ZDHHC17: variants seen among roughly 807,000 people sequenced by gnomAD.
The protein encoded by ZDHHC17 is zDHHC palmitoyltransferase 17, also known as palmitoyltransferase ZDHHC17.
In ZDHHC17, 40 loss-of-function variants were observed where a neutral mutation model predicts 90.3. That is an observed-to-expected ratio of 0.44 (90% CI 0.34 to 0.58). The LOEUF (loss-of-function observed/expected upper bound fraction) is 0.58. ZDHHC17 is among the 20% of genes least tolerant of loss of function. ZDHHC17 has a pLI of 0.01. For missense variants in ZDHHC17, 614 were observed against 780.8 expected (o/e 0.79, Z 2.55); for synonymous variants, 235 against 252.4 (o/e 0.93, Z 0.65).
At chr12:76,832,606 A>G (rs528602437) in intron 10 of ZDHHC17, among the ~76,000 whole-genome samples, 1 of 152,312 alleles carries the variant, frequency 6.6e-6, no homozygotes, top group Non-Finnish European at 1.5e-5. Context: ...TTGTTGATTC[A>G]TTAATATTGA....
At chr12:76,802,221 G>A (rs536740669) in intron 2 of ZDHHC17, among the ~76,000 whole-genome samples, 1 of 152,222 alleles carries the variant, frequency 6.6e-6, no homozygotes, top group Non-Finnish European at 1.5e-5. Context: ...GCTGAATATA[G>A]GATTTTTGGT....
chr12:76,796,534 T>C (rs2137744611), intron 1 of ZDHHC17, among the ~76,000 whole-genome samples: 1 of 152,228 alleles, frequency 6.6e-6, no homozygotes, highest in East Asian at 1.9e-4. Flanking sequence ...TGGATTTTTA[T>C]ATAAAATCTT....
At chr12:76,842,877 A>C in intron 11 of ZDHHC17, 42 bp from the exon 12 acceptor site, 5 of 1,463,698 alleles carry the variant, frequency 3.4e-6, no homozygotes, top group Non-Finnish European at 4.7e-6. Flanking sequence ...GTTGGTGAGC[A>C]TTGTTCAGTT....
At chr12:76,771,743 A>G (rs1033631771) in intron 1 of ZDHHC17, among the ~76,000 whole-genome samples, 4 of 151,572 alleles carry the variant, frequency 2.6e-5, no homozygotes, top group Non-Finnish European at 4.4e-5. Context: ...CCCTATTCTC[A>G]TGAAAAAAAA....
chr12:76,807,550 G>A (rs1952969106), intron 3 of ZDHHC17, among the ~76,000 whole-genome samples: 1 of 152,126 alleles, frequency 6.6e-6, no homozygotes, highest in Admixed American at 6.6e-5. Flanking sequence ...AGGTCTTATA[G>A]CTACACGAAA....
chr12:76,812,569 CTTAATG>C (rs1323287547), intron 5 of ZDHHC17, among the ~76,000 whole-genome samples: 8 of 151,762 alleles, frequency 5.3e-5, no homozygotes, highest in Admixed American at 5.3e-4. Flanking sequence ...TATTGTTTTT[CTTAATG>C]TTAACTATGT....
intron 1 of ZDHHC17, among the ~76,000 whole-genome samples, chr12:76,772,136 A>G (rs1324365172): frequency 6.6e-6 from 1 of 152,246 alleles, no homozygotes; most frequent in Non-Finnish European, 1.5e-5. Context: ...TTTACAAATG[A>G]GGAAACAGAG....
Position 76,815,904 on chromosome 12 carries a change from T to C in ZDHHC17, c.656T>C (p.Leu219Pro). The C allele has an allele frequency of 6.3e-7, 1 of 1,579,162 alleles. No homozygotes were observed. Among genetic ancestry groups the C allele is most frequent in the Non-Finnish European group, 8.6e-7 (1 of 1,160,834 alleles). ...TTAACATTCAATGTTTCAGTTAACC[T>C]TGGTGACAAGTATCACAAAAACACT... ...LLLTFNVSVN[L>P]GDKYHKNTAL... The change falls in exon 7 of 17, where the codon CTT becomes CCT. Residue 219 changes from leucine to proline, a missense_variant. Transcript: ENST00000426126.
chr12:76,843,056 TG>T, intron 12 of ZDHHC17, 75 bp downstream of exon 12: 2 of 1,137,266 alleles, frequency 1.8e-6, no homozygotes, highest in Non-Finnish European at 2.5e-6. Context: ...GTATGGGGTG[TG>T]GGGAAAAGGA....
At chr12:76,781,184 A>G (rs1446504607) in intron 1 of ZDHHC17, among the ~76,000 whole-genome samples, 1 of 152,024 alleles carries the variant, frequency 6.6e-6, no homozygotes, top group Non-Finnish European at 1.5e-5. Context: ...GTGAAAGAGA[A>G]CTCACACATT....
chr12:76,799,508 G>C (rs1195144047), intron 2 of ZDHHC17, among the ~76,000 whole-genome samples: 1 of 151,986 alleles, frequency 6.6e-6, no homozygotes, highest in African/African-American at 2.4e-5. Flanking sequence ...TTCTTACCTG[G>C]GCTCCAGGAA....
At chr12:76,821,001 G>C in intron 7 of ZDHHC17, 2 of 1,040,256 alleles carry the variant, frequency 1.9e-6, no homozygotes, top group Non-Finnish European at 2.6e-6. Context: ...AAAATAGTTA[G>C]ATGACTGGAG....
chr12:76,797,634 A>C (rs1952836244), intron 2 of ZDHHC17, 97 bp downstream of exon 2: 1 of 931,680 alleles, frequency 1.1e-6, no homozygotes. Flanking sequence ...AAACATCAGT[A>C]TATCTCAATT....
At chr12:76,831,743 C>T (rs1009703671) in intron 10 of ZDHHC17, among the ~76,000 whole-genome samples, 13 of 152,112 alleles carry the variant, frequency 8.5e-5, no homozygotes, top group Admixed American at 1.3e-4. Context: ...ACCTCCCAGG[C>T]TCAGGTGATC....
At chr12:76,841,613 C>T (rs2137802183) in intron 10 of ZDHHC17, among the ~76,000 whole-genome samples, 1 of 152,084 alleles carries the variant, frequency 6.6e-6, no homozygotes, top group African/African-American at 2.4e-5. Flanking sequence ...TAAAAGCAAT[C>T]TTTTAAATAT....
chr12:76,776,880 T>G (rs1319041434), intron 1 of ZDHHC17, among the ~76,000 whole-genome samples: 2 of 152,240 alleles, frequency 1.3e-5, no homozygotes, highest in Non-Finnish European at 2.9e-5. Context: ...AACTTTTTAT[T>G]GAGGCATATT....
At chr12:76,828,129 T>G (rs1305604811) in intron 9 of ZDHHC17, among the ~76,000 whole-genome samples, 1 of 151,934 alleles carries the variant, frequency 6.6e-6, no homozygotes, top group African/African-American at 2.4e-5. Context: ...AGAATAGGAG[T>G]GCGCTAAAAT....
At chr12:76,791,270 T>C (rs1346385844) in intron 1 of ZDHHC17, among the ~76,000 whole-genome samples, 1 of 152,222 alleles carries the variant, frequency 6.6e-6, no homozygotes, top group Non-Finnish European at 1.5e-5. Flanking sequence ...CTTGGTTATA[T>C]ATTTTTATGC....
chr12:76,794,855 AT>A lies in ZDHHC17; in HGVS notation c.94-2574del, dbSNP rs531567399. On this transcript the variant is annotated intron_variant, in intron 1 of 16. Coordinates refer to ENST00000426126, the MANE Select transcript of ZDHHC17 (RefSeq NM_015336.4). ...GATAGTAATCCTCAGAAAGAGACTT[AT>A]TTTTATTCTATGAATATTATTGGTA... is the stretch of plus-strand genomic sequence containing the variant. 2.0e-3 allele frequency among the ~76,000 whole-genome samples: 312 copies of A among 152,298 alleles called. 2 individuals carry two copies. The highest frequency in any genetic ancestry group is 7.3e-3 in the African/African-American group (302 of 41,566).
Sources: gnomAD v4.1 joint callset for allele counts (sites outside exome capture counted in the v4.1 genomes callset) on GRCh38, gnomAD v4.1.1 for gene constraint, MANE v1.5 for transcripts, NCBI Gene and HGNC (gene_info 2026-07-23, HGNC 2026-07-21) for gene names.